STX18: variants seen among roughly 807,000 people sequenced by gnomAD.
STX18 encodes syntaxin-18.
In STX18, 40 loss-of-function variants were observed where a neutral mutation model predicts 50.1. The observed-to-expected ratio is 0.80, with a 90% CI of 0.62 to 1.04. STX18 has a LOEUF of 1.04. Among genes scored for constraint, STX18 ranks in the 50% least tolerant of loss-of-function variants. STX18 has a pLI of 0.00. For missense variants in STX18, 410 were observed against 415.8 expected (o/e 0.99, Z 0.12); for synonymous variants, 158 against 151.8 (o/e 1.04, Z -0.30).
chr4:4,427,981 A>G (rs1725338953), intron 7 of STX18, among the ~76,000 whole-genome samples: 1 of 152,228 alleles, frequency 6.6e-6, no homozygotes, highest in Non-Finnish European at 1.5e-5. Flanking sequence ...CTGTGTTTAA[A>G]AAACAAAAGG....
intron 5 of STX18, among the ~76,000 whole-genome samples, chr4:4,452,232 T>TA (rs1560170781): frequency 6.6e-6 from 1 of 152,078 alleles, no homozygotes; most frequent in Non-Finnish European, 1.5e-5. Flanking sequence ...TCATGACATT[T>TA]AAAAAAAGAA....
chr4:4,493,599 T>G (rs771849881), intron 1 of STX18, among the ~76,000 whole-genome samples: 1 of 152,242 alleles, frequency 6.6e-6, no homozygotes, highest in Non-Finnish European at 1.5e-5. Flanking sequence ...TCCACAGCAA[T>G]TGGTCCTCCA....
intron 1 of STX18, among the ~76,000 whole-genome samples, chr4:4,491,331 T>C (rs982930940): frequency 6.6e-6 from 1 of 152,062 alleles, no homozygotes; most frequent in Non-Finnish European, 1.5e-5. Context: ...CCTAAAAACA[T>C]GAGGATATTT....
intron 1 of STX18, among the ~76,000 whole-genome samples, chr4:4,491,092 C>T (rs1286384706): frequency 6.6e-6 from 1 of 150,890 alleles, no homozygotes; most frequent in East Asian, 1.9e-4. Flanking sequence ...TCAATATACG[C>T]ATTCAACTTA....
At chr4:4,475,970 G>A (rs1009691912) in intron 1 of STX18, among the ~76,000 whole-genome samples, 1 of 152,144 alleles carries the variant, frequency 6.6e-6, no homozygotes, top group Non-Finnish European at 1.5e-5. Flanking sequence ...TTTTGGAAGA[G>A]TCACTTAATA....
At chr4:4,473,638 G>A (rs1305171314) in intron 1 of STX18, among the ~76,000 whole-genome samples, 3 of 152,124 alleles carry the variant, frequency 2.0e-5, no homozygotes, top group South Asian at 4.2e-4. Flanking sequence ...TAAGAGATAC[G>A]CAAGCAAGGT....
intron 1 of STX18, among the ~76,000 whole-genome samples, chr4:4,513,763 AGCCAGAGG>A (rs1730113198): frequency 6.6e-6 from 1 of 152,210 alleles, no homozygotes; most frequent in Non-Finnish European, 1.5e-5. Flanking sequence ...TTGACAGCAA[AGCCAGAGG>A]TCTGGGATAT....
intron 1 of STX18, among the ~76,000 whole-genome samples, chr4:4,491,046 T>G (rs1408893713): frequency 6.6e-6 from 1 of 152,120 alleles, no homozygotes; most frequent in Admixed American, 6.5e-5. Flanking sequence ...AATCAGTGTT[T>G]ACTTTTGTTG....
chr4:4,444,785 T>C lies in STX18; in HGVS notation c.498-6276A>G, dbSNP rs560251522. On this transcript the variant is annotated intron_variant, in intron 5 of 10. Coordinates refer to ENST00000306200, the MANE Select transcript of STX18 (RefSeq NM_016930.4). The stretch of plus-strand genomic sequence containing the variant: ...CTACATAATACCTACTTCTGTGATA[T>C]ACACATAAAAAAATGAACCACAAAT... 5.3e-5 allele frequency among the ~76,000 whole-genome samples: 8 copies of C among 150,524 alleles called. No individual in the cohort carries two copies. The East Asian group carries it at 1.3e-3, about 25-fold the overall frequency.
intron 2 of STX18, among the ~76,000 whole-genome samples, chr4:4,465,755 C>T (rs981955952): frequency 1.3e-5 from 2 of 152,134 alleles, no homozygotes; most frequent in Non-Finnish European, 2.9e-5. Flanking sequence ...TACACATGTA[C>T]CCAGGAACTT....
chr4:4,542,020 C>A lies in STX18; in HGVS notation c.-56G>T, dbSNP rs1449192762. On this transcript the variant is annotated 5_prime_UTR_variant, in exon 1 of 11. Coordinates refer to ENST00000306200, the MANE Select transcript of STX18 (RefSeq NM_016930.4). ...CCCGCCCACGTAAGCAGCCGGCGAC[C>A]GCGGCGCGAACCCGGCCGCTGAAGG... 1 of 1,486,872 alleles carries A rather than the reference C, an allele frequency of 6.7e-7. No individual in the cohort carries two copies. The highest frequency in any genetic ancestry group is 2.7e-5 in the East Asian group (1 of 37,176). 92.1% of individuals were successfully genotyped at this position (1,486,872 alleles called of 1,614,324 possible). A position where few individuals can be genotyped will look rare whatever the true frequency, so the allele number is the denominator to read the frequency against.
At chr4:4,492,795 C>A (rs1728999756) in intron 1 of STX18, among the ~76,000 whole-genome samples, 1 of 152,138 alleles carries the variant, frequency 6.6e-6, no homozygotes. Flanking sequence ...TAGCCACTCT[C>A]TTCCCTAGTA....
chr4:4,432,450 T>G (rs1725565255), intron 7 of STX18, among the ~76,000 whole-genome samples: 2 of 152,196 alleles, frequency 1.3e-5, no homozygotes, highest in South Asian at 4.1e-4. Flanking sequence ...AGGGAGAGGC[T>G]CTTCTGCCTC....
At chr4:4,502,244 C>T (rs920544728) in intron 1 of STX18, among the ~76,000 whole-genome samples, 5 of 151,880 alleles carry the variant, frequency 3.3e-5, no homozygotes, top group Non-Finnish European at 7.4e-5. Context: ...ATAAAATGTA[C>T]CAAAACCACC....
At chr4:4,441,698 T>C (rs1471875830) in intron 5 of STX18, among the ~76,000 whole-genome samples, 1 of 152,150 alleles carries the variant, frequency 6.6e-6, no homozygotes, top group East Asian at 1.9e-4. Flanking sequence ...ATAAATGTAA[T>C]GTGATCCCAA....
intron 1 of STX18, among the ~76,000 whole-genome samples, chr4:4,474,575 TG>T (rs1343854809): frequency 6.6e-6 from 1 of 152,220 alleles, no homozygotes; most frequent in Non-Finnish European, 1.5e-5. Flanking sequence ...GCTGATCAGC[TG>T]ACCTTAAAGT....
intron 9 of STX18, among the ~76,000 whole-genome samples, chr4:4,422,654 A>G (rs928291272): frequency 6.6e-6 from 1 of 152,132 alleles, no homozygotes; most frequent in Non-Finnish European, 1.5e-5. Flanking sequence ...TATGCTCTGC[A>G]CGCCCCTCCC....
chr4:4,504,016 A>G (rs1200667365), intron 1 of STX18, among the ~76,000 whole-genome samples: 2 of 152,232 alleles, frequency 1.3e-5, no homozygotes, highest in African/African-American at 2.4e-5. Context: ...TAGGGGATAC[A>G]TGAATAAAAA....
intron 2 of STX18, among the ~76,000 whole-genome samples, chr4:4,467,690 A>AT (rs1339676789): frequency 5.5e-5 from 8 of 145,296 alleles, no homozygotes; most frequent in African/African-American, 2.0e-4. Flanking sequence ...ACTGGTGCTT[A>AT]TCAGAGTACC....
Sources: allele counts gnomAD v4.1 joint callset (sites outside exome capture counted in the v4.1 genomes callset), GRCh38; gene constraint gnomAD v4.1.1; transcripts MANE v1.5; gene names NCBI Gene and HGNC (gene_info 2026-07-23, HGNC 2026-07-21).